The following TMEM154 variants were observed in gnomAD, a reference collection of about 807,000 sequenced individuals.
TMEM154 encodes the protein transmembrane protein 154.
TMEM154 carries 27 observed loss-of-function variants against 24.5 expected under a neutral mutation model. The ratio of observed to expected loss-of-function variants is 1.10; its 90% CI spans 0.81 to 1.52. TMEM154 has a LOEUF of 1.52. Among genes scored for constraint, TMEM154 ranks in the 40% most tolerant of loss-of-function variants. The pLI, the probability that TMEM154 is intolerant of heterozygous loss-of-function variation, is 0.00. For synonymous variants in TMEM154, 67 were observed against 76.8 expected, an observed-to-expected ratio of 0.87 and a Z score of 0.67; for missense variants, 228 against 213.4, an observed-to-expected ratio of 1.07 and a Z score of -0.43.
chr4:152,656,793 T>C (rs1728500562), intron 1 of TMEM154, among the ~76,000 whole-genome samples: 2 of 151,798 alleles, frequency 1.3e-5, no homozygotes. Flanking sequence ...TGGTGGTGCA[T>C]GCCTGTAATC....
At chr4:152,643,454 T>TG (rs1193413788) in intron 4 of TMEM154, among the ~76,000 whole-genome samples, 5 of 152,342 alleles carry the variant, frequency 3.3e-5, no homozygotes, top group African/African-American at 1.2e-4. Flanking sequence ...ACTGCTCCCC[T>TG]GAAGGTGCAA....
chr4:152,670,643 ATAGT>A (rs1219846175), intron 1 of TMEM154, among the ~76,000 whole-genome samples: 3 of 152,194 alleles, frequency 2.0e-5, no homozygotes, highest in Non-Finnish European at 4.4e-5. Context: ...AAGATTTGGG[ATAGT>A]TAGCTAATAT....
At chr4:152,647,281 T>A (rs1728272068) in intron 3 of TMEM154, 5 of 985,262 alleles carry the variant, frequency 5.1e-6, no homozygotes, top group Non-Finnish European at 4.8e-6. Flanking sequence ...TGTGGGAGCT[T>A]TCCAAGCAAA....
intron 1 of TMEM154, among the ~76,000 whole-genome samples, chr4:152,677,357 G>A (rs1205402381): frequency 6.6e-6 from 1 of 152,124 alleles, no homozygotes; most frequent in Non-Finnish European, 1.5e-5. Context: ...GGCTTAATTT[G>A]AGATACATCT....
intron 1 of TMEM154, among the ~76,000 whole-genome samples, chr4:152,656,369 C>A (rs1369592411): frequency 6.6e-6 from 1 of 152,106 alleles, no homozygotes; most frequent in Non-Finnish European, 1.5e-5. Flanking sequence ...CTCAACCCAC[C>A]CCTGTCACCA....
chr4:152,670,368 C>T (rs1008602194), intron 1 of TMEM154, among the ~76,000 whole-genome samples: 8 of 152,020 alleles, frequency 5.3e-5, no homozygotes, highest in East Asian at 1.9e-4. Context: ...CCAAAGTGGG[C>T]GGATTACTTG....
chr4:152,661,200 T>A (rs1728593178), intron 1 of TMEM154, among the ~76,000 whole-genome samples: 1 of 151,786 alleles, frequency 6.6e-6, no homozygotes, highest in Non-Finnish European at 1.5e-5. Flanking sequence ...TGCCCTCACA[T>A]ATGTTTTCTG....
intron 1 of TMEM154, chr4:152,668,659 T>G (rs746334703): frequency 6.6e-6 from 1 of 151,698 alleles, no homozygotes; most frequent in Non-Finnish European, 1.5e-5. Context: ...GGTGGGTGCT[T>G]GTGATAAGTT....
chr4:152,651,148 A>ATTTCTCC (rs1358958927), intron 3 of TMEM154, among the ~76,000 whole-genome samples: 1 of 151,108 alleles, frequency 6.6e-6, no homozygotes, highest in Non-Finnish European at 1.5e-5. Flanking sequence ...CCAGGCAGTG[A>ATTTCTCC]TTTCTCCTCT....
intron 5 of TMEM154, among the ~76,000 whole-genome samples, chr4:152,641,934 T>TTTTG (rs1752266592): frequency 6.5e-5 from 8 of 123,550 alleles, no homozygotes; most frequent in African/African-American, 2.2e-4. Flanking sequence ...TTTTTTTTTT[T>TTTTG]TTTGTTGAGA....
intron 3 of TMEM154, chr4:152,647,052 T>A: frequency 1.2e-6 from 1 of 819,636 alleles, no homozygotes; most frequent in Non-Finnish European, 2.0e-6. Context: ...TCCCTGAACA[T>A]GAAATGGACA....
chr4:152,645,266 A>T (rs762443457), intron 3 of TMEM154, among the ~76,000 whole-genome samples: 25 of 152,224 alleles, frequency 1.6e-4, no homozygotes, highest in Non-Finnish European at 2.4e-4. Context: ...TCAGTGGAAT[A>T]AATGATTAGG....
Position 152,628,335 on chromosome 4 carries a change from CCTTTTCCT to C in TMEM154, c.*203_*210del. 1.2e-6 allele frequency: 1 copy of C among 801,900 alleles called. No individual in the cohort carries two copies. The highest frequency in any genetic ancestry group is 2.0e-6 in the Non-Finnish European group (1 of 498,300). 49.7% of individuals were successfully genotyped at this position (801,900 alleles called of 1,614,324 possible). ...GAGGCAGCGATGGATGGCAGCCAGG[CCTTTTCCT>C]AGTACTTCTCAATTGCACATTCTTC... is the stretch of plus-strand genomic sequence containing the variant. On this transcript the variant is annotated 3_prime_UTR_variant, in exon 7 of 7. Transcript: ENST00000304385.
intron 1 of TMEM154, among the ~76,000 whole-genome samples, chr4:152,660,221 C>A (rs1382184340): frequency 6.6e-6 from 1 of 152,088 alleles, no homozygotes; most frequent in Admixed American, 6.6e-5. Context: ...GATCAAATAG[C>A]GTTTTCACTG....
chr4:152,659,087 A>G (rs1728546257), intron 1 of TMEM154, among the ~76,000 whole-genome samples: 1 of 152,242 alleles, frequency 6.6e-6, no homozygotes, highest in South Asian at 2.1e-4. Context: ...CACTATTCAC[A>G]ATAGCCAAGA....
At chr4:152,663,950 C>T (rs1477677145) in intron 1 of TMEM154, among the ~76,000 whole-genome samples, 2 of 152,360 alleles carry the variant, frequency 1.3e-5, no homozygotes, top group Middle Eastern at 3.4e-3. Context: ...GCAGCCCCAA[C>T]AGCTGGGCAG....
chr4:152,645,526 A>G (rs1752344766), intron 3 of TMEM154, among the ~76,000 whole-genome samples: 1 of 152,210 alleles, frequency 6.6e-6, no homozygotes, highest in Non-Finnish European at 1.5e-5. Context: ...AAATGAGGCA[A>G]TGATGTTGAG....
At chr4:152,650,009 G>A (rs933049131) in intron 3 of TMEM154, among the ~76,000 whole-genome samples, 20 of 152,110 alleles carry the variant, frequency 1.3e-4, no homozygotes, top group African/African-American at 4.3e-4. Context: ...AAATGCTAAC[G>A]ATCATCTGAG....
rs545482572 is a variant in TMEM154, at chr4:152,631,003, T to G, written c.537-2442A>C. Among the ~76,000 whole-genome samples the G allele has an allele frequency of 1.1e-4, 16 of 152,328 alleles. 1 individual carries two copies. In the East Asian group the frequency reaches 1.7e-3, roughly 16 times the overall value. The stretch of plus-strand genomic sequence containing the variant: ...CAAAAACTTTTTTTAGCCAATCCCT[T>G]ATTGTTAAACATTTAGGCTACTTCA... On this transcript the variant is annotated intron_variant, in intron 6 of 6. Coordinates refer to ENST00000304385, the MANE Select transcript of TMEM154 (RefSeq NM_152680.3).
Sources: gnomAD v4.1 joint callset for allele counts (sites outside exome capture counted in the v4.1 genomes callset) on GRCh38, gnomAD v4.1.1 for gene constraint, MANE v1.5 for transcripts, NCBI Gene and HGNC (gene_info 2026-07-23, HGNC 2026-07-21) for gene names.